The following SUSD1 variants were observed in gnomAD, a reference collection of about 807,000 sequenced individuals.
SUSD1 encodes the protein sushi domain containing 1, also known as sushi domain-containing protein 1.
SUSD1 carries 65 observed loss-of-function variants against 86.9 expected under a neutral mutation model. The observed-to-expected ratio is 0.75, with a 90% CI of 0.61 to 0.92. The LOEUF is 0.92. Ranked by LOEUF, SUSD1 falls within the 40% of genes least tolerant of loss-of-function variation. The pLI, the probability that SUSD1 is intolerant of heterozygous loss-of-function variation, is 0.00. For synonymous variants in SUSD1, 346 were observed against 350.0 expected, an observed-to-expected ratio of 0.99 and a Z score of 0.13; for missense variants, 850 against 929.7, an observed-to-expected ratio of 0.91 and a Z score of 1.11.
chr9:112,129,144 T>C (rs1043847692), intron 5 of SUSD1, among the ~76,000 whole-genome samples: 1 of 151,806 alleles, frequency 6.6e-6, no homozygotes, highest in East Asian at 1.9e-4. Context: ...TCAGAGGGGA[T>C]GGAAATGGAA....
intron 4 of SUSD1, 103 bp from the exon 5 acceptor site, chr9:112,142,602 CG>C (rs1832628044): frequency 1.5e-5 from 16 of 1,065,074 alleles, no homozygotes. Context: ...CACACACCCC[CG>C]AGCCATATTT....
At chr9:112,138,811 C>A (rs1270869823) in intron 5 of SUSD1, among the ~76,000 whole-genome samples, 1 of 152,018 alleles carries the variant, frequency 6.6e-6, no homozygotes, top group Non-Finnish European at 1.5e-5. Context: ...ACATAATATT[C>A]CATTTTAAGG....
At chr9:112,103,101 T>C (rs142390395) in intron 8 of SUSD1, 4 of 450,616 alleles carry the variant, frequency 8.9e-6, no homozygotes, top group African/African-American at 8.1e-5. Flanking sequence ...TGTAAATGTC[T>C]ACCAGAGAGA....
At chr9:112,173,799 T>C (rs753225544) in intron 1 of SUSD1, 5 of 279,478 alleles carry the variant, frequency 1.8e-5, no homozygotes, top group African/African-American at 1.1e-4. Flanking sequence ...ACTGTCGCCC[T>C]GCATCTTCTT....
chr9:112,150,028 A>G lies in SUSD1; in HGVS notation c.218-629T>C, dbSNP rs891091830. Among the ~76,000 whole-genome samples, 3 of 152,218 alleles carry G rather than the reference A, an allele frequency of 2.0e-5. No homozygotes were observed. In the East Asian group the frequency reaches 5.8e-4, roughly 29 times the overall value. On this transcript the variant is annotated intron_variant, in intron 2 of 16. Transcript: ENST00000374270. ...CCCAGAGTGTTTTTCATTGAATAAT[A>G]TGAAAGTGAAAGATGCAAAATGAAC...
intron 10 of SUSD1, among the ~76,000 whole-genome samples, chr9:112,096,804 T>C (rs1830414980): frequency 6.6e-6 from 1 of 152,226 alleles, no homozygotes; most frequent in African/African-American, 2.4e-5. Flanking sequence ...CCTCCCATAG[T>C]GCTGGAATTA....
intron 2 of SUSD1, among the ~76,000 whole-genome samples, chr9:112,156,173 A>AC (rs957672981): frequency 6.6e-6 from 1 of 151,536 alleles, no homozygotes; most frequent in African/African-American, 2.4e-5. Context: ...AAAAAAAAAA[A>AC]AACTCACTGG....
intron 6 of SUSD1, among the ~76,000 whole-genome samples, chr9:112,118,205 T>C (rs565462969): frequency 9.2e-5 from 14 of 152,302 alleles, no homozygotes; most frequent in South Asian, 4.1e-4. Context: ...GGAATGTAAC[T>C]GATCTTCTAA....
chr9:112,168,407 G>A (rs1414311125), intron 1 of SUSD1, among the ~76,000 whole-genome samples: 1 of 152,086 alleles, frequency 6.6e-6, no homozygotes, highest in Non-Finnish European at 1.5e-5. Context: ...CAGCCTTCTG[G>A]GTAACAGCTG....
chr9:112,110,666 C>T (rs994328020), intron 8 of SUSD1, among the ~76,000 whole-genome samples: 2 of 151,454 alleles, frequency 1.3e-5, no homozygotes, highest in African/African-American at 4.9e-5. Context: ...GCAGGGATTA[C>T]AGACATGAGT....
chr9:112,063,673 C>T (rs1828835372), intron 12 of SUSD1, among the ~76,000 whole-genome samples: 2 of 144,006 alleles, frequency 1.4e-5, no homozygotes, highest in South Asian at 2.3e-4. Flanking sequence ...GGAAACTACA[C>T]TGACTGGCTG....
rs1831174528 is a variant in SUSD1, at chr9:112,113,155, A to T, written c.887-287T>A. On this transcript the variant is annotated intron_variant, in intron 6 of 16. Coordinates refer to ENST00000374270, the MANE Select transcript of SUSD1 (RefSeq NM_022486.5). The surrounding 1 kb of genome is among the most constrained non-coding windows in gnomAD (Gnocchi z 4.1). Reference sequence around the variant, plus strand: ...TTCACCTGACAGGCCACTGGATGCCACTGGCATTCCACTCTGGTAGAATGG... The same window carrying T: ...TTCACCTGACAGGCCACTGGATGCCTCTGGCATTCCACTCTGGTAGAATGG... 6.6e-6 allele frequency among the ~76,000 whole-genome samples: 1 copy of T among 152,182 alleles called. No individual in the cohort carries two copies. Among genetic ancestry groups the T allele is most frequent in the Admixed American group, 6.5e-5 (1 of 15,278 alleles).
intron 1 of SUSD1, among the ~76,000 whole-genome samples, chr9:112,168,303 G>C (rs1675125799): frequency 6.6e-6 from 1 of 152,198 alleles, no homozygotes; most frequent in South Asian, 2.1e-4. Flanking sequence ...CGGTATCTTT[G>C]TGCATTCAGG....
rs577502439 is a variant in SUSD1 at position 112,121,548 on chromosome 9, C to G, written c.886+2709G>C. Among the ~76,000 whole-genome samples the G allele has an allele frequency of 1.8e-4, 27 of 152,276 alleles. No homozygotes were observed. In the South Asian group the frequency reaches 4.8e-3, roughly 27 times the overall value. On this transcript the variant is annotated intron_variant, in intron 6 of 16. Coordinates refer to ENST00000374270, the MANE Select transcript of SUSD1 (RefSeq NM_022486.5). ...AATAGATATCTATTGAATGAATGGACAGATTTCCTCAAATTCCCATCCCCA... is the reference window on the plus strand; with the variant it reads ...AATAGATATCTATTGAATGAATGGAGAGATTTCCTCAAATTCCCATCCCCA...
At chr9:112,159,959 T>G (rs1001598077) in intron 1 of SUSD1, among the ~76,000 whole-genome samples, 4 of 151,676 alleles carry the variant, frequency 2.6e-5, no homozygotes, top group Non-Finnish European at 5.9e-5. Context: ...ATGGTTAGCA[T>G]GTTTGGAAAT....
chr9:112,072,142 TTTTTTTTTTTTTTTG>T (rs1486075060), intron 12 of SUSD1, among the ~76,000 whole-genome samples: 3 of 58,210 alleles, frequency 5.2e-5, no homozygotes, highest in Non-Finnish European at 8.9e-5. Flanking sequence ...TTCTTTCTCT[TTTTTTTTTTTTTTTG>T]TTTTTTTTTT....
intron 2 of SUSD1, among the ~76,000 whole-genome samples, chr9:112,152,664 C>T (rs994836889): frequency 1.0e-4 from 15 of 150,370 alleles, no homozygotes; most frequent in Non-Finnish European, 2.1e-4. Flanking sequence ...TGTGCCTCCA[C>T]GTCCCAAAGT....
intron 12 of SUSD1, among the ~76,000 whole-genome samples, chr9:112,063,691 C>T (rs926567033): frequency 3.9e-5 from 5 of 126,932 alleles, no homozygotes; most frequent in South Asian, 2.7e-4. Flanking sequence ...CTGACACCAG[C>T]GTTCTTGCTC....
intron 5 of SUSD1, among the ~76,000 whole-genome samples, chr9:112,138,320 C>T (rs1832404136): frequency 1.0e-5 from 1 of 97,404 alleles, no homozygotes; most frequent in Non-Finnish European, 2.1e-5. Flanking sequence ...GAAACTATCA[C>T]CATTAACATT....
Sources: allele counts gnomAD v4.1 joint callset (sites outside exome capture counted in the v4.1 genomes callset), GRCh38; gene constraint gnomAD v4.1.1; non-coding constraint Gnocchi (gnomAD v3.1); transcripts MANE v1.5; gene names NCBI Gene and HGNC (gene_info 2026-07-23, HGNC 2026-07-21).